The following ATF6 variants were observed in gnomAD, a reference collection of about 807,000 sequenced individuals.
ATF6 encodes activating transcription factor 6, also known as cyclic AMP-dependent transcription factor ATF-6 alpha.
A neutral mutation model predicts 83.6 loss-of-function variants in ATF6; 53 were observed. The ratio of observed to expected loss-of-function variants is 0.63; its 90% CI spans 0.51 to 0.80. ATF6 has a LOEUF of 0.80. Ranked by LOEUF, ATF6 falls within the 30% of genes least tolerant of loss-of-function variation. The pLI, the probability that ATF6 is intolerant of heterozygous loss-of-function variation, is 0.00. For missense variants in ATF6, 744 were observed against 797.9 expected (o/e 0.93, Z 0.81); for synonymous variants, 288 against 285.8 (o/e 1.01, Z -0.08).
chr1:161,787,348 T>C (rs1294733715), intron 4 of ATF6, among the ~76,000 whole-genome samples: 1 of 152,248 alleles, frequency 6.6e-6, no homozygotes, highest in Non-Finnish European at 1.5e-5. Context: ...TATAATCCGT[T>C]ACTATAATTA....
chr1:161,844,341 G>T (rs1686427753), intron 9 of ATF6, among the ~76,000 whole-genome samples: 1 of 152,170 alleles, frequency 6.6e-6, no homozygotes, highest in African/African-American at 2.4e-5. Flanking sequence ...GGGTAAGGGG[G>T]ATGTTAGATG....
chr1:161,917,333 G>A (rs1688119718), intron 15 of ATF6, among the ~76,000 whole-genome samples: 1 of 152,120 alleles, frequency 6.6e-6, no homozygotes, highest in Non-Finnish European at 1.5e-5. Flanking sequence ...GAGATATCCT[G>A]GGGATGGGAC....
At chr1:161,907,463 G>T (rs938680216) in intron 14 of ATF6, among the ~76,000 whole-genome samples, 1 of 152,114 alleles carries the variant, frequency 6.6e-6, no homozygotes, top group African/African-American at 2.4e-5. Context: ...TGTTACTATT[G>T]GTCTGCTATG....
At chr1:161,889,725 T>C (rs1009852535) in intron 14 of ATF6, among the ~76,000 whole-genome samples, 2 of 152,222 alleles carry the variant, frequency 1.3e-5, no homozygotes, top group Non-Finnish European at 2.9e-5. Flanking sequence ...TCTTTTTGAT[T>C]CAAATGTCAA....
At chr1:161,845,979 G>T (rs1686477636) in intron 9 of ATF6, among the ~76,000 whole-genome samples, 2 of 151,992 alleles carry the variant, frequency 1.3e-5, no homozygotes, top group African/African-American at 4.8e-5. Flanking sequence ...AGCTTTATCT[G>T]ATAGCCTGCC....
chr1:161,924,895 T>C (rs1258384157), intron 15 of ATF6, among the ~76,000 whole-genome samples: 1 of 152,218 alleles, frequency 6.6e-6, no homozygotes, highest in Non-Finnish European at 1.5e-5. Context: ...GGTAACTCCC[T>C]TCGAGGGATT....
At chr1:161,913,472 A>G (rs1031318326) in intron 15 of ATF6, among the ~76,000 whole-genome samples, 5 of 152,210 alleles carry the variant, frequency 3.3e-5, no homozygotes, top group African/African-American at 1.2e-4. Context: ...CATGATCTGT[A>G]TATAGACAGC....
rs911205441 is a variant in ATF6 at position 161,853,142 on chromosome 1, T to A, written c.1434-82T>A. On this transcript the variant is annotated intron_variant, in intron 11 of 15. Coordinates refer to ENST00000367942, the MANE Select transcript of ATF6 (RefSeq NM_007348.4). ...TCTTTGGAACCTACAAATGATTAGA[T>A]TCATTTCCACCCACAGGGTGAAACA... 4.1e-6 allele frequency: 4 copies of A among 985,254 alleles called. No homozygotes were observed. In the African/African-American group the frequency reaches 6.5e-5, roughly 16 times the overall value. 61.0% of individuals were successfully genotyped at this position (985,254 alleles called of 1,614,324 possible).
chr1:161,958,603 A>G lies in ATF6; in HGVS notation c.1962A>G (p.Ala654=). Reference sequence around the variant, plus strand: ...ACACCTTCTTTGGCTCCCCTCCCGCAGCCACAGAGGCAACCCACGTTGTCA... The same window carrying G: ...ACACCTTCTTTGGCTCCCCTCCCGCGGCCACAGAGGCAACCCACGTTGTCA... The part of the protein sequence containing the change: ...QTNTFFGSPP[A]ATEATHVVST... Residue 654 remains alanine (A), a synonymous_variant, in exon 16 of 16, where the codon GCA becomes GCG. Coordinates refer to ENST00000367942, the MANE Select transcript of ATF6 (RefSeq NM_007348.4). 1 of 1,613,780 alleles carries G rather than the reference A, an allele frequency of 6.2e-7. No homozygotes were observed. Among genetic ancestry groups the G allele is most frequent in the Non-Finnish European group, 8.5e-7 (1 of 1,179,924 alleles).
chr1:161,945,313 C>A (rs1688727275), intron 15 of ATF6, among the ~76,000 whole-genome samples: 1 of 152,204 alleles, frequency 6.6e-6, no homozygotes, highest in African/African-American at 2.4e-5. Context: ...CCCTCAGTCA[C>A]CTTCTTATTC....
At chr1:161,833,881 A>G (rs556606556) in intron 9 of ATF6, among the ~76,000 whole-genome samples, 8 of 152,308 alleles carry the variant, frequency 5.3e-5, no homozygotes, top group South Asian at 2.1e-4. Flanking sequence ...GCAGGCCAAC[A>G]TTCAAATTCA....
intron 1 of ATF6, 40 bp from the exon 2 acceptor site, chr1:161,778,204 G>T (rs1440365444): frequency 2.0e-6 from 3 of 1,530,480 alleles, no homozygotes; most frequent in South Asian, 1.1e-5. Flanking sequence ...TCAAATAATT[G>T]AATTGACAGT....
chr1:161,834,748 A>T (rs989134981), intron 9 of ATF6, among the ~76,000 whole-genome samples: 2 of 152,152 alleles, frequency 1.3e-5, no homozygotes, highest in Admixed American at 6.5e-5. Context: ...CACGTTGTGC[A>T]CATGTACCCT....
chr1:161,836,342 C>T (rs1014300766), intron 9 of ATF6, among the ~76,000 whole-genome samples: 3 of 152,144 alleles, frequency 2.0e-5, no homozygotes, highest in Non-Finnish European at 4.4e-5. Flanking sequence ...GTAACTTAAA[C>T]GTCAGAATTC....
chr1:161,919,858 C>G (rs896527339), intron 15 of ATF6, among the ~76,000 whole-genome samples: 28 of 152,196 alleles, frequency 1.8e-4, no homozygotes, highest in African/African-American at 6.8e-4. Context: ...GTTGCAAATA[C>G]TAGTGCCAGC....
In ATF6 at chr1:161,960,585, G is replaced by C. The variant is rs1203047796; in HGVS notation, c.*1931G>C. Reference sequence around the variant, plus strand: ...ACTTTTGTGAGCGGGGAAAAGCAGGGCTTTATTGTTGTGTTACCTGGGAGT... The same window carrying C: ...ACTTTTGTGAGCGGGGAAAAGCAGGCCTTTATTGTTGTGTTACCTGGGAGT... On this transcript the variant is annotated 3_prime_UTR_variant, in exon 16 of 16. Transcript: ENST00000367942. The C allele has an allele frequency of 6.6e-6, 1 of 152,242 alleles. No homozygotes were observed. Among genetic ancestry groups the C allele is most frequent in the Non-Finnish European group, 1.5e-5 (1 of 68,060 alleles). 9.4% of individuals were successfully genotyped at this position (152,242 alleles called of 1,614,324 possible). A position where few individuals can be genotyped will look rare whatever the true frequency, so the allele number is the denominator to read the frequency against.
chr1:161,804,943 A>G (rs1031909405), intron 7 of ATF6, among the ~76,000 whole-genome samples: 1 of 152,120 alleles, frequency 6.6e-6, no homozygotes, highest in African/African-American at 2.4e-5. Flanking sequence ...AAGACTAATT[A>G]GAAGTTAAAA....
Position 161,807,865 on chromosome 1 carries a change from C to CTTTTTTTTTTTTTTTTTTTTTTTTTTTTT in ATF6, c.909+5597_909+5625dup, listed in dbSNP as rs761462420. ...CTTTTTGTACTTTTTAGTTTGTCAT[C>CTTTTTTTTTTTTTTTTTTTTTTTTTTTTT]TTTTTTTTTTTTTTTTTTTTTTTTT... On this transcript the variant is annotated intron_variant, in intron 7 of 15. Transcript: ENST00000367942. 5.9e-4 allele frequency among the ~76,000 whole-genome samples: 19 copies of CTTTTTTTTTTTTTTTTTTTTTTTTTTTTT among 32,342 alleles called. 6 individuals carry two copies. Among genetic ancestry groups the CTTTTTTTTTTTTTTTTTTTTTTTTTTTTT allele is most frequent in the African/African-American group, 1.4e-3 (12 of 8,762 alleles). The allele number at this position is 32,342 out of a possible 152,430, so 21.2% of individuals were successfully genotyped here. A position where few individuals can be genotyped will look rare whatever the true frequency, so the allele number is the denominator to read the frequency against.
chr1:161,771,213 C>T (rs907236150), intron 1 of ATF6, among the ~76,000 whole-genome samples: 39 of 151,944 alleles, frequency 2.6e-4, no homozygotes, highest in Non-Finnish European at 3.8e-4. Flanking sequence ...CTTCCCTCCT[C>T]CTCCTCCTTT....
Sources: gnomAD v4.1 joint callset for allele counts (sites outside exome capture counted in the v4.1 genomes callset) on GRCh38, gnomAD v4.1.1 for gene constraint, MANE v1.5 for transcripts, NCBI Gene and HGNC (gene_info 2026-07-23, HGNC 2026-07-21) for gene names.